CHAMP1: variants seen among roughly 807,000 people sequenced by gnomAD.
The protein encoded by CHAMP1 is chromosome alignment-maintaining phosphoprotein 1.
Under a neutral mutation model 54.5 loss-of-function variants are expected in CHAMP1, and 4 were observed. That is an observed-to-expected ratio of 0.07 (90% CI 0.04 to 0.17). The LOEUF (loss-of-function observed/expected upper bound fraction) is 0.17. Among genes scored for constraint, CHAMP1 ranks in the 10% least tolerant of loss-of-function variants. CHAMP1 has a pLI of 1.00. For synonymous variants in CHAMP1, 368 were observed against 342.2 expected, an observed-to-expected ratio of 1.08 and a Z score of -0.83; for missense variants, 994 against 968.6, an observed-to-expected ratio of 1.03 and a Z score of -0.35.
intron 2 of CHAMP1, chr13:114,322,695 A>G (rs868912588): frequency 6.6e-6 from 1 of 152,228 alleles, no homozygotes; most frequent in African/African-American, 2.4e-5. Flanking sequence ...AAGTACAGGG[A>G]AAGTCAGTGC....
chr13:114,323,307 GATTTA>G (rs145446387), intron 2 of CHAMP1: 1 of 152,424 alleles, frequency 6.6e-6, no homozygotes, highest in Non-Finnish European at 1.5e-5. Context: ...TTTATAGCTA[GATTTA>G]ATTTATTAAG....
In CHAMP1 at chr13:114,326,655, G is replaced by T; in HGVS notation, c.*374G>T. On this transcript the variant is annotated 3_prime_UTR_variant, in exon 3 of 3. Coordinates refer to ENST00000361283, the MANE Select transcript of CHAMP1 (RefSeq NM_032436.4). ...TTTCAGACAATAGAAAATATTAGTTGAAATGTTTAAGAATTAGGCATGAAA... is the reference window on the plus strand; with the variant it reads ...TTTCAGACAATAGAAAATATTAGTTTAAATGTTTAAGAATTAGGCATGAAA... 1 of 178,618 alleles carries T rather than the reference G, an allele frequency of 5.6e-6. No individual in the cohort carries two copies. The allele number at this position is 178,618 out of a possible 1,614,324, so 11.1% of individuals were successfully genotyped here. A position where few individuals can be genotyped will look rare whatever the true frequency, so the allele number is the denominator to read the frequency against.
chr13:114,315,908 C>T (rs922567227), intron 1 of CHAMP1, among the ~76,000 whole-genome samples: 2 of 148,026 alleles, frequency 1.4e-5, no homozygotes, highest in Non-Finnish European at 3.0e-5. Flanking sequence ...CCGACCTTGG[C>T]TCACTGCAAC....
Position 114,324,412 on chromosome 13 carries a change from A to G in CHAMP1, c.570A>G (p.Ser190=), listed in dbSNP as rs782547315. 7 of 1,614,130 alleles carry G rather than the reference A, an allele frequency of 4.3e-6. No individual in the cohort carries two copies. Among genetic ancestry groups the G allele is most frequent in the South Asian group, 3.3e-5 (3 of 91,084 alleles). ...ASVSSPEPPK[S]VPVCESQKLA... ...TTTCTTCTCCTGAACCTCCAAAATC[A>G]GTCCCTGTTTGTGAGTCTCAGAAAC... Residue 190 remains serine (S), a synonymous_variant, in exon 3 of 3, where the codon TCA becomes TCG. Transcript: ENST00000361283.
intron 1 of CHAMP1, among the ~76,000 whole-genome samples, chr13:114,320,497 C>G (rs549298058): frequency 2.6e-5 from 4 of 152,090 alleles, no homozygotes; most frequent in African/African-American, 9.7e-5. Context: ...GTAGTCACAC[C>G]AGCAGTCTTC....
intron 1 of CHAMP1, among the ~76,000 whole-genome samples, chr13:114,319,180 C>T (rs1323756018): frequency 1.3e-5 from 2 of 152,086 alleles, no homozygotes; most frequent in African/African-American, 2.4e-5. Flanking sequence ...AGATACTGAT[C>T]ATTTGTCTGA....
chr13:114,323,811 T>G lies in CHAMP1; in HGVS notation c.-32T>G, dbSNP rs1225388723. The G allele has an allele frequency of 1.3e-6, 2 of 1,557,212 alleles. No individual in the cohort carries two copies. The highest frequency in any genetic ancestry group is 2.8e-5 in the African/African-American group (2 of 72,646). ...AGCAGTATTGAAAGTTTTTAAAGAA[T>G]ATAACCGTGTGTGTTGGTAACAGAC... On this transcript the variant is annotated 5_prime_UTR_variant, in exon 3 of 3. Coordinates refer to ENST00000361283, the MANE Select transcript of CHAMP1 (RefSeq NM_032436.4).
rs782097335 is a variant in CHAMP1 at position 114,325,576 on chromosome 13, T to G, written c.1734T>G (p.Leu578=). 14 of 1,614,210 alleles carry G rather than the reference T, an allele frequency of 8.7e-6. No homozygotes were observed. The highest frequency in any genetic ancestry group is 1.2e-5 in the Non-Finnish European group (14 of 1,180,042). Residue 578 remains leucine (L), a synonymous_variant, in exon 3 of 3, where the codon CTT becomes CTG. Coordinates refer to ENST00000361283, the MANE Select transcript of CHAMP1 (RefSeq NM_032436.4). The part of the protein sequence containing the change: ...LFSESQKAVE[L]GDELQIDAID... ...CAGAATCACAGAAGGCTGTTGAGCTTGGTGATGAACTACAAATAGATGCCA... is the reference window on the plus strand; with the variant it reads ...CAGAATCACAGAAGGCTGTTGAGCTGGGTGATGAACTACAAATAGATGCCA...
At chr13:114,322,162 C>T (rs1555379178) in intron 2 of CHAMP1, 1 of 151,488 alleles carries the variant, frequency 6.6e-6, no homozygotes, top group Non-Finnish European at 1.5e-5. Flanking sequence ...GCCTCAGCCT[C>T]CCAAGTAGCT....
intron 1 of CHAMP1, among the ~76,000 whole-genome samples, chr13:114,315,374 A>G (rs1402476242): frequency 1.3e-5 from 2 of 152,166 alleles, no homozygotes; most frequent in East Asian, 3.8e-4. Context: ...CCTCAGTTCT[A>G]GGTTTATACC....
chr13:114,319,384 T>C (rs1385622153), intron 1 of CHAMP1, among the ~76,000 whole-genome samples: 1 of 152,184 alleles, frequency 6.6e-6, no homozygotes, highest in Admixed American at 6.5e-5. Flanking sequence ...ACAGAGCACA[T>C]ACTGTGTGTC....
Position 114,327,237 on chromosome 13 carries a change from C to A in CHAMP1, c.*956C>A, listed in dbSNP as rs1284932823. 1.2e-5 allele frequency: 2 copies of A among 165,688 alleles called. No individual in the cohort carries two copies. Among genetic ancestry groups the A allele is most frequent in the African/African-American group, 4.8e-5 (2 of 41,390 alleles). 10.3% of individuals were successfully genotyped at this position (165,688 alleles called of 1,614,324 possible). A position where few individuals can be genotyped will look rare whatever the true frequency, so the allele number is the denominator to read the frequency against. ...TTTTTCAATTATGTTACTGTAAATA[C>A]CTTGTACCTGTTCATGGATTATTTT... On this transcript the variant is annotated 3_prime_UTR_variant, in exon 3 of 3. Coordinates refer to ENST00000361283, the MANE Select transcript of CHAMP1 (RefSeq NM_032436.4).
rs1555379858 is a variant in CHAMP1, at chr13:114,325,589, C to G, written c.1747C>G (p.Gln583Glu). 6.2e-7 allele frequency: 1 copy of G among 1,613,996 alleles called. No individual in the cohort carries two copies. The highest frequency in any genetic ancestry group is 1.3e-5 in the African/African-American group (1 of 74,888). The change falls in exon 3 of 3, where the codon CAA (glutamine) becomes GAA (glutamate). Residue 583 changes from glutamine (Q) to glutamate (E), a missense_variant. Around this residue, in one of 3 missense-constraint regions of CHAMP1, gnomAD observed 851 missense variants for 701.3 expected, o/e 1.21. Transcript: ENST00000361283. ...QKAVELGDEL[Q>E]IDAIDDQKCD... Reference sequence around the variant, plus strand: ...GGCTGTTGAGCTTGGTGATGAACTACAAATAGATGCCATAGATGATCAAAA... The same window carrying G: ...GGCTGTTGAGCTTGGTGATGAACTAGAAATAGATGCCATAGATGATCAAAA...
intron 1 of CHAMP1, among the ~76,000 whole-genome samples, chr13:114,315,680 A>G (rs1199264634): frequency 6.6e-6 from 1 of 152,214 alleles, no homozygotes; most frequent in African/African-American, 2.4e-5. Context: ...GATTACCAGC[A>G]CTGAAAGTGG....
chr13:114,323,723 T>C, intron 2 of CHAMP1, 65 bp from the exon 3 acceptor site: 1 of 1,291,700 alleles, frequency 7.7e-7, no homozygotes, highest in South Asian at 1.5e-5. Context: ...AGTTATAGAA[T>C]GGACTGACAG....
chr13:114,326,269 G>A lies in CHAMP1; in HGVS notation c.2427G>A (p.Glu809=). 1 of 1,568,212 alleles carries A rather than the reference G, an allele frequency of 6.4e-7. No individual in the cohort carries two copies. The highest frequency in any genetic ancestry group is 8.6e-7 in the Non-Finnish European group (1 of 1,160,046). ...LMEALEPPLE[E]QQI ...AAGCTCTTGAACCGCCACTGGAGGA[G>A]CAGCAAATTTGATAACACAGTGTGA... The change falls in exon 3 of 3, where the codon GAG becomes GAA. Residue 809 remains glutamate, a synonymous_variant. Coordinates refer to ENST00000361283, the MANE Select transcript of CHAMP1 (RefSeq NM_032436.4).
chr13:114,325,336 A>T lies in CHAMP1; in HGVS notation c.1494A>T (p.Lys498Asn). The T allele has an allele frequency of 6.2e-7, 1 of 1,614,024 alleles. No individual in the cohort carries two copies. The highest frequency in any genetic ancestry group is 8.5e-7 in the Non-Finnish European group (1 of 1,180,008). ...AACCTGTCTTCCCTGAGACCCGAAA[A>T]CCAGGTCCTTCTGGGCCATCTGAGT... ...PQKPVFPETR[K>N]PGPSGPSESP... The change falls in exon 3 of 3, where the codon AAA becomes AAT. Residue 498 changes from lysine (K) to asparagine (N), a missense_variant. Lys to Asn is a moderately conservative substitution (Grantham distance 94). Coordinates refer to ENST00000361283, the MANE Select transcript of CHAMP1 (RefSeq NM_032436.4).
Position 114,325,593 on chromosome 13 carries a change from TA to T in CHAMP1, c.1752del (p.Ile584MetfsTer4). On this transcript the variant is annotated frameshift_variant, in exon 3 of 3. Transcript: ENST00000361283. LOFTEE classifies it high-confidence loss of function. ...KAVELGDELQ[I>X]DAIDDQKCDI... is the part of the protein sequence containing the mutation. ...GTTGAGCTTGGTGATGAACTACAAA[TA>T]GATGCCATAGATGATCAAAAATGTG... 1 of 1,614,144 alleles carries T rather than the reference TA, an allele frequency of 6.2e-7. No homozygotes were observed. The highest frequency in any genetic ancestry group is 8.5e-7 in the Non-Finnish European group (1 of 1,180,022).
intron 1 of CHAMP1, among the ~76,000 whole-genome samples, chr13:114,315,345 A>T (rs1158579487): frequency 1.3e-5 from 2 of 152,194 alleles, no homozygotes; most frequent in African/African-American, 2.4e-5. Flanking sequence ...TGCAGCAGCT[A>T]TGGAAATTGG....
Sources: gnomAD v4.1 joint callset for allele counts (sites outside exome capture counted in the v4.1 genomes callset) on GRCh38, gnomAD v4.1.1 for gene constraint, gnomAD v4.1.1 regional missense constraint, MANE v1.5 for transcripts, NCBI Gene and HGNC (gene_info 2026-07-23, HGNC 2026-07-21) for gene names.